The following SORCS3 variants were observed in gnomAD, a reference collection of about 807,000 sequenced individuals.
SORCS3 encodes sortilin related VPS10 domain containing receptor 3, also known as VPS10 domain-containing receptor SorCS3.
A neutral mutation model predicts 146.3 loss-of-function variants in SORCS3; 57 were observed. The observed-to-expected ratio is 0.39, with a 90% CI of 0.31 to 0.49. The LOEUF (loss-of-function observed/expected upper bound fraction) is 0.49, where lower values mean the gene tolerates loss of function less well. Among genes scored for constraint, SORCS3 ranks in the 20% least tolerant of loss-of-function variants. The pLI is 0.92. For synonymous variants in SORCS3, 653 were observed against 618.5 expected (o/e 1.06, Z -0.83); for missense variants, 1,341 against 1,575.5 (o/e 0.85, Z 2.52).
intron 21 of SORCS3, among the ~76,000 whole-genome samples, chr10:105,246,277 A>G (rs1213593112): frequency 1.3e-5 from 2 of 152,170 alleles, no homozygotes; most frequent in African/African-American, 4.8e-5. Context: ...AACCTCTCCC[A>G]GGTCCCTAGA....
At chr10:105,203,151 C>T (rs1392575094) in intron 16 of SORCS3, among the ~76,000 whole-genome samples, 3 of 152,140 alleles carry the variant, frequency 2.0e-5, no homozygotes, top group Non-Finnish European at 4.4e-5. Context: ...ACTCTGCTCT[C>T]CACCTGTTCT....
At chr10:104,926,348 T>C (rs75562305) in intron 3 of SORCS3, among the ~76,000 whole-genome samples, 1,817 of 152,244 alleles carry the variant, frequency 0.012, 43 homozygotes, top group African/African-American at 0.041. Context: ...TCCTGCTTCA[T>C]AAATTAACAT....
chr10:104,694,946 ACT>A (rs1160029464), intron 1 of SORCS3, among the ~76,000 whole-genome samples: 1 of 152,020 alleles, frequency 6.6e-6, no homozygotes, highest in Non-Finnish European at 1.5e-5. Context: ...TTTCCTAGAA[ACT>A]CTTAGACCAA....
intron 1 of SORCS3, among the ~76,000 whole-genome samples, chr10:104,695,174 A>G (rs1180355677): frequency 6.6e-6 from 1 of 152,194 alleles, no homozygotes; most frequent in Non-Finnish European, 1.5e-5. Flanking sequence ...AAGAAATCAT[A>G]TACTCTCTGA....
chr10:104,771,583 G>A lies in SORCS3; in HGVS notation c.628-71209G>A, dbSNP rs377483004. Among the ~76,000 whole-genome samples the A allele has an allele frequency of 2.8e-4, 42 of 152,276 alleles. No homozygotes were observed. In the East Asian group the frequency reaches 2.9e-3, roughly 10 times the overall value. On this transcript the variant is annotated intron_variant, in intron 1 of 26. Coordinates refer to ENST00000369701, the MANE Select transcript of SORCS3 (RefSeq NM_014978.3). ...GAGACAGCCTAGCCAGGCAGCAGGAGGACCTTGAGCATGAGATGATGTTTG... is the reference window on the plus strand; with the variant it reads ...GAGACAGCCTAGCCAGGCAGCAGGAAGACCTTGAGCATGAGATGATGTTTG...
intron 1 of SORCS3, among the ~76,000 whole-genome samples, chr10:104,729,987 A>G (rs947197590): frequency 6.6e-6 from 1 of 152,314 alleles, no homozygotes; most frequent in African/African-American, 2.4e-5. Flanking sequence ...TTTTCTGAGA[A>G]TTATGTAATT....
intron 7 of SORCS3, among the ~76,000 whole-genome samples, chr10:105,116,661 T>TA (rs199662070): frequency 1.0e-4 from 15 of 150,694 alleles, no homozygotes; most frequent in African/African-American, 1.7e-4. Flanking sequence ...TAGACTAGAT[T>TA]AAAAAAAAAT....
chr10:105,026,729 G>A (rs999032410), intron 4 of SORCS3, among the ~76,000 whole-genome samples: 1 of 152,150 alleles, frequency 6.6e-6, no homozygotes, highest in Non-Finnish European at 1.5e-5. Context: ...AGGCAGAAAT[G>A]CAAAACCAAA....
In SORCS3 at chr10:105,223,172, G is replaced by A. The variant is rs1265010630; in HGVS notation, c.2791G>A (p.Val931Ile). Residue 931 changes from valine to isoleucine, a missense_variant, in exon 20 of 27, where the codon GTC becomes ATC. Physicochemically the swap from Val to Ile is conservative, Grantham distance 29. Coordinates refer to ENST00000369701, the MANE Select transcript of SORCS3 (RefSeq NM_014978.3). ...VPFVAIRNKEVNISAVVWPSQ... is the reference protein window; with the variant it reads ...VPFVAIRNKEINISAVVWPSQ... ...ATTTGTTGCCATAAGAAATAAGGAG[G>A]TCAACATCAGTGCAGTCGTGTGGCC... The A allele has an allele frequency of 6.2e-7, 1 of 1,613,128 alleles. No individual in the cohort carries two copies. Among genetic ancestry groups the A allele is most frequent in the South Asian group, 1.1e-5 (1 of 90,978 alleles).
chr10:105,066,011 A>C (rs2055520446), intron 5 of SORCS3, among the ~76,000 whole-genome samples: 1 of 152,214 alleles, frequency 6.6e-6, no homozygotes, highest in Non-Finnish European at 1.5e-5. Flanking sequence ...CTATTTCCCA[A>C]GACCCTAGAA....
At chr10:104,818,405 T>TTCC (rs1564690833) in intron 1 of SORCS3, among the ~76,000 whole-genome samples, 1 of 91,318 alleles carries the variant, frequency 1.1e-5, no homozygotes, top group Non-Finnish European at 2.3e-5. Flanking sequence ...TCCTTCCTTC[T>TTCC]TTCTCTCTTT....
intron 1 of SORCS3, among the ~76,000 whole-genome samples, chr10:104,725,677 G>A (rs957303451): frequency 3.9e-5 from 6 of 152,132 alleles, no homozygotes; most frequent in Admixed American, 2.6e-4. Flanking sequence ...CGGCAATGGC[G>A]GGTGACCCTC....
intron 7 of SORCS3, among the ~76,000 whole-genome samples, chr10:105,124,316 A>G (rs1434661944): frequency 1.3e-5 from 2 of 152,140 alleles, no homozygotes; most frequent in African/African-American, 4.8e-5. Flanking sequence ...GATTACCCCT[A>G]CTTTCCTGGG....
chr10:105,218,737 C>T (rs1354671231), intron 19 of SORCS3, among the ~76,000 whole-genome samples: 1 of 152,228 alleles, frequency 6.6e-6, no homozygotes, highest in Non-Finnish European at 1.5e-5. Flanking sequence ...TCATTGCTGG[C>T]TGGGCGCGGT....
intron 7 of SORCS3, among the ~76,000 whole-genome samples, chr10:105,134,053 A>AT (rs1170516192): frequency 1.3e-5 from 2 of 152,168 alleles, no homozygotes; most frequent in African/African-American, 2.4e-5. Flanking sequence ...AATTACAGAG[A>AT]TTTTTAAAAA....
chr10:104,671,654 A>G (rs558407514), intron 1 of SORCS3, among the ~76,000 whole-genome samples: 5 of 151,540 alleles, frequency 3.3e-5, no homozygotes, highest in South Asian at 2.1e-4. Context: ...GTTTCCTTCT[A>G]TTCCTAGTTT....
At chr10:105,087,382 C>T (rs1438230469) in intron 5 of SORCS3, among the ~76,000 whole-genome samples, 1 of 151,834 alleles carries the variant, frequency 6.6e-6, no homozygotes, top group Non-Finnish European at 1.5e-5. Context: ...CCTGCGCATT[C>T]TGCACCTGTA....
At chr10:104,940,232 ATATATATTTTTTTT>A (rs1349403800) in intron 3 of SORCS3, among the ~76,000 whole-genome samples, 249 of 22,440 alleles carry the variant, frequency 0.011, no homozygotes, top group African/African-American at 0.04. Context: ...ATATATATAT[ATATATATTTTTTTT>A]TTTTTTTTTA....
In SORCS3 at chr10:104,977,442, C is replaced by T; in HGVS notation, c.903C>T (p.Leu301=). Residue 301 remains leucine, a synonymous_variant, in exon 4 of 27, where the codon CTC becomes CTT. Transcript: ENST00000369701. The stretch of plus-strand genomic sequence containing the variant: ...TCACCTTCTATATCCAGAGCCTGCT[C>T]TTTCATCCCAAGCAAGAGGACTGGG... ...YRLTFYIQSL[L]FHPKQEDWVL... is the part of the protein sequence containing the mutation. The T allele has an allele frequency of 6.2e-7, 1 of 1,613,610 alleles. No individual in the cohort carries two copies. The highest frequency in any genetic ancestry group is 8.5e-7 in the Non-Finnish European group (1 of 1,179,820).
Sources: gnomAD v4.1 joint callset for allele counts (sites outside exome capture counted in the v4.1 genomes callset) on GRCh38, gnomAD v4.1.1 for gene constraint, MANE v1.5 for transcripts, NCBI Gene and HGNC (gene_info 2026-07-23, HGNC 2026-07-21) for gene names.